The following TWF2 variants were observed in gnomAD, a reference collection of about 807,000 sequenced individuals.
The protein encoded by TWF2 is twinfilin-2.
A neutral mutation model predicts 45.1 loss-of-function variants in TWF2; 15 were observed. The observed-to-expected ratio is 0.33, with a 90% CI of 0.22 to 0.51. The LOEUF (loss-of-function observed/expected upper bound fraction) is 0.51, where lower values mean the gene tolerates loss of function less well. Ranked by LOEUF, TWF2 falls within the 20% of genes least tolerant of loss-of-function variation. The pLI is 0.97. For missense variants in TWF2, 423 were observed against 469.1 expected, an observed-to-expected ratio of 0.90 and a Z score of 0.91; for synonymous variants, 177 against 195.8, an observed-to-expected ratio of 0.90 and a Z score of 0.80.
At chr3:52,232,972 T>C (rs777188780) in intron 2 of TWF2, among the ~76,000 whole-genome samples, 1 of 152,064 alleles carries the variant, frequency 6.6e-6, no homozygotes, top group Non-Finnish European at 1.5e-5. Flanking sequence ...GATGGCGCCA[T>C]TGCACTCCAG....
Position 52,239,116 on chromosome 3 carries a change from C to A in TWF2, c.-100G>T, listed in dbSNP as rs1447246393. The A allele has an allele frequency of 4.2e-6, 6 of 1,416,806 alleles. No individual in the cohort carries two copies. Among genetic ancestry groups the A allele is most frequent in the South Asian group, 4.2e-5 (3 of 71,564 alleles). 87.8% of individuals were successfully genotyped at this position (1,416,806 alleles called of 1,614,324 possible). On this transcript the variant is annotated 5_prime_UTR_variant, in exon 1 of 9. Transcript: ENST00000305533. ...AGAGAGGTGGAGGATGTGGCGGAGG[C>A]TGTCGACCCTCGCGCAGCTTCCCGG...
At chr3:52,236,146 C>T (rs1699723667) in intron 1 of TWF2, among the ~76,000 whole-genome samples, 1 of 151,922 alleles carries the variant, frequency 6.6e-6, no homozygotes, top group African/African-American at 2.4e-5. Flanking sequence ...ACTAAAAATA[C>T]AAAAATTAGC....
At chr3:52,238,772 T>C (rs1438577177) in intron 1 of TWF2, among the ~76,000 whole-genome samples, 1 of 152,104 alleles carries the variant, frequency 6.6e-6, no homozygotes, top group East Asian at 1.9e-4. Context: ...CACAGATACT[T>C]CCACCCCAGT....
At chr3:52,237,732 T>C (rs965990490) in intron 1 of TWF2, among the ~76,000 whole-genome samples, 17 of 152,186 alleles carry the variant, frequency 1.1e-4, no homozygotes, top group African/African-American at 4.1e-4. Flanking sequence ...GGAGAAAGGC[T>C]GGCCCATCTG....
At chr3:52,236,403 C>A (rs935752856) in intron 1 of TWF2, among the ~76,000 whole-genome samples, 1 of 151,960 alleles carries the variant, frequency 6.6e-6, no homozygotes, top group African/African-American at 2.4e-5. Flanking sequence ...GAGGTGAGGA[C>A]CATGGTGAGA....
chr3:52,234,394 T>A lies in TWF2; in HGVS notation c.103+635A>T, dbSNP rs73084632. ...GACCTCCCAATCCTCCTCAGTTTAA[T>A]CCTCTGCCTCCCCAAACCCTCCCCA... On this transcript the variant is annotated intron_variant, in intron 2 of 8. Coordinates refer to ENST00000305533, the MANE Select transcript of TWF2 (RefSeq NM_007284.4). Among the ~76,000 whole-genome samples, 1,378 of 152,200 alleles carry A rather than the reference T, an allele frequency of 9.1e-3. 12 individuals are homozygous for A. Among genetic ancestry groups the A allele is most frequent in the Non-Finnish European group, 0.014 (926 of 67,992 alleles).
At chr3:52,229,236 A>G (rs763786200) in intron 8 of TWF2, 35 bp from the exon 9 acceptor site, 2 of 1,602,624 alleles carry the variant, frequency 1.2e-6, no homozygotes, top group East Asian at 4.5e-5. Context: ...CCCCAATGGG[A>G]GGGGCTCTGA....
chr3:52,239,018 G>T lies in TWF2; in HGVS notation c.-2C>A. 2 of 1,595,556 alleles carry T rather than the reference G, an allele frequency of 1.3e-6. No homozygotes were observed. The highest frequency in any genetic ancestry group is 8.5e-7 in the Non-Finnish European group (1 of 1,178,264). ...GTGGATGCCCGTTTGGTGCGCCATG[G>T]CTCGGCGCTTCGCTCCGTCCGCGCC... On this transcript the variant is annotated 5_prime_UTR_variant, in exon 1 of 9. Coordinates refer to ENST00000305533, the MANE Select transcript of TWF2 (RefSeq NM_007284.4).
chr3:52,234,967 C>A, intron 2 of TWF2, 62 bp downstream of exon 2: 6 of 1,580,712 alleles, frequency 3.8e-6, no homozygotes, highest in African/African-American at 1.3e-5. Flanking sequence ...CTCCTTCCCC[C>A]ACCCACAGAG....
intron 2 of TWF2, among the ~76,000 whole-genome samples, chr3:52,234,485 G>T (rs1456991601): frequency 6.6e-6 from 1 of 152,198 alleles, no homozygotes; most frequent in Non-Finnish European, 1.5e-5. Flanking sequence ...CAGGTCCTCA[G>T]GGGCAAGGCC....
At chr3:52,229,267 C>A in intron 8 of TWF2, 66 bp from the exon 9 acceptor site, 1 of 1,577,014 alleles carries the variant, frequency 6.3e-7, no homozygotes, top group Non-Finnish European at 8.6e-7. Flanking sequence ...CCCTGGTAGC[C>A]CCCACTCCTG....
chr3:52,238,837 C>T (rs1699752407), intron 1 of TWF2, among the ~76,000 whole-genome samples, 155 bp downstream of exon 1: 1 of 152,218 alleles, frequency 6.6e-6, no homozygotes, highest in South Asian at 2.1e-4. Flanking sequence ...CCGTACTCCC[C>T]CAGATGTGCC....
Position 52,229,927 on chromosome 3 carries a change from C to T in TWF2, c.753G>A (p.Glu251=), listed in dbSNP as rs565212275. Residue 251 remains glutamate, a synonymous_variant, in exon 7 of 9, where the codon GAG becomes GAA. Transcript: ENST00000305533. ...YKHTHEGDPL[E]SVVFIYSMPG... ...CCTGCCATGGCCACTCACCTACAGA[C>T]TCAAGGGGGTCGCCCTCATGGGTGT... 2 of 1,611,382 alleles carry T rather than the reference C, an allele frequency of 1.2e-6. No homozygotes were observed. The highest frequency in any genetic ancestry group is 2.2e-5 in the East Asian group (1 of 44,858).
At chr3:52,233,913 C>CAAAA (rs5848945) in intron 2 of TWF2, among the ~76,000 whole-genome samples, 5 of 74,232 alleles carry the variant, frequency 6.7e-5, no homozygotes, top group African/African-American at 2.7e-4. Context: ...AACTCCGTCT[C>CAAAA]AAAAAAAAAA....
intron 1 of TWF2, among the ~76,000 whole-genome samples, chr3:52,236,370 G>A (rs1206650859): frequency 6.6e-6 from 1 of 152,070 alleles, no homozygotes; most frequent in Non-Finnish European, 1.5e-5. Context: ...GAGAGCCAGT[G>A]AGTGACCAAG....
intron 1 of TWF2, among the ~76,000 whole-genome samples, chr3:52,238,773 C>T (rs1331572195): frequency 2.0e-5 from 3 of 152,238 alleles, no homozygotes; most frequent in Non-Finnish European, 4.4e-5. Context: ...ACAGATACTT[C>T]CACCCCAGTT....
At chr3:52,229,863 A>C in intron 7 of TWF2, 57 bp downstream of exon 7, 4 of 1,594,396 alleles carry the variant, frequency 2.5e-6, no homozygotes, top group South Asian at 2.2e-5. Flanking sequence ...GCCCCACTGC[A>C]GACCAGCCCT....
rs1062714 is a variant in TWF2 at position 52,231,509 on chromosome 3, G to A, written c.313C>T (p.Arg105Trp). ...VRLKMLYAAT[R>W]ATVKKEFGGG... is the part of the protein sequence containing the mutation. ...CCAAACTCCTTTTTCACTGTGGCCC[G>A]CGTGGCCGCGTACAGCATCTTCAGC... is the stretch of plus-strand genomic sequence containing the variant. The change falls in exon 4 of 9, where the codon CGG becomes TGG. Residue 105 changes from arginine to tryptophan, a missense_variant. Transcript: ENST00000305533. The A allele has an allele frequency of 8.7e-6, 14 of 1,613,612 alleles. No homozygotes were observed. Among genetic ancestry groups the A allele is most frequent in the Admixed American group, 3.3e-5 (2 of 59,998 alleles).
chr3:52,233,657 G>A (rs755874797), intron 2 of TWF2, among the ~76,000 whole-genome samples: 25 of 152,162 alleles, frequency 1.6e-4, no homozygotes, highest in Middle Eastern at 3.2e-3. Context: ...GGCTGGGCAC[G>A]GTGGCTTATG....
Sources: allele counts gnomAD v4.1 joint callset (sites outside exome capture counted in the v4.1 genomes callset), GRCh38; gene constraint gnomAD v4.1.1; transcripts MANE v1.5; gene names NCBI Gene and HGNC (gene_info 2026-07-23, HGNC 2026-07-21).